The following XRCC5 variants were observed in gnomAD, a reference collection of about 807,000 sequenced individuals.
The protein encoded by XRCC5 is X-ray repair cross complementing 5.
A neutral mutation model predicts 95.7 loss-of-function variants in XRCC5; 12 were observed. That is an observed-to-expected ratio of 0.13 (90% CI 0.08 to 0.20). The LOEUF (loss-of-function observed/expected upper bound fraction) is 0.20, where lower values mean the gene tolerates loss of function less well. XRCC5 is among the 10% of genes least tolerant of loss of function. XRCC5 has a pLI of 1.00. For missense variants in XRCC5, 595 were observed against 873.9 expected, an observed-to-expected ratio of 0.68 and a Z score of 4.02; for synonymous variants, 281 against 290.3, an observed-to-expected ratio of 0.97 and a Z score of 0.33.
chr2:216,115,175 TTG>T (rs41297758), intron 2 of XRCC5, among the ~76,000 whole-genome samples: 73,464 of 151,786 alleles, frequency 0.48, 18,232 homozygotes, highest in African/African-American at 0.53. Flanking sequence ...GTCGTTTCAA[TTG>T]TTTACTTCGA....
rs1346100807 is a variant in XRCC5, at chr2:216,205,415, G to A, written c.*213G>A. The A allele has an allele frequency of 1.8e-6, 1 of 559,226 alleles. No homozygotes were observed. 34.6% of individuals were successfully genotyped at this position (559,226 alleles called of 1,614,324 possible). A position where few individuals can be genotyped will look rare whatever the true frequency, so the allele number is the denominator to read the frequency against. Reference sequence around the variant, plus strand: ...TAGACCCCATACAAGTTTATAAAGAGTCATTGTTATTTTCTGGTTGGTGTA... The same window carrying A: ...TAGACCCCATACAAGTTTATAAAGAATCATTGTTATTTTCTGGTTGGTGTA... On this transcript the variant is annotated 3_prime_UTR_variant, in exon 21 of 21. Coordinates refer to ENST00000392132, the MANE Select transcript of XRCC5 (RefSeq NM_021141.4).
intron 14 of XRCC5, among the ~76,000 whole-genome samples, chr2:216,149,004 C>CT (rs922940930): frequency 1.3e-5 from 2 of 151,934 alleles, no homozygotes; most frequent in Non-Finnish European, 2.9e-5. Context: ...TTATTGGTGA[C>CT]TTTTTTTTCT....
At chr2:216,149,405 A>G (rs1188255975) in intron 14 of XRCC5, among the ~76,000 whole-genome samples, 1 of 152,118 alleles carries the variant, frequency 6.6e-6, no homozygotes, top group Non-Finnish European at 1.5e-5. Context: ...TATGATGTGC[A>G]TTTCTTACAC....
intron 14 of XRCC5, among the ~76,000 whole-genome samples, chr2:216,149,611 C>CTG (rs3080518): frequency 0.4 from 60,080 of 151,892 alleles, 13,214 homozygotes; most frequent in Non-Finnish European, 0.51. Context: ...TATTCTCTCT[C>CTG]TGTGTGTTAA....
rs1689638635 is a variant in XRCC5, at chr2:216,192,704, A to G, written c.2010A>G (p.Gln670=). ...KALQEKVEIK[Q]LNHFWEIVVQ... is the part of the protein sequence containing the mutation. Reference sequence around the variant, plus strand: ...TTCAAGAGAAAGTGGAAATTAAACAATTAAATCATTTCTGGGAAATTGTTG... The same window carrying G: ...TTCAAGAGAAAGTGGAAATTAAACAGTTAAATCATTTCTGGGAAATTGTTG... The change falls in exon 18 of 21, where the codon CAA becomes CAG. Residue 670 remains glutamine, a synonymous_variant. Transcript: ENST00000392132. 6.3e-7 allele frequency: 1 copy of G among 1,598,892 alleles called. No individual in the cohort carries two copies. Among genetic ancestry groups the G allele is most frequent in the East Asian group, 2.3e-5 (1 of 44,206 alleles).
At chr2:216,130,603 T>G (rs575662668) in intron 8 of XRCC5, 1 of 271,716 alleles carries the variant, frequency 3.7e-6, no homozygotes, top group Non-Finnish European at 6.8e-6. Flanking sequence ...TCTTTTAGGC[T>G]GGGTAATCAT....
At chr2:216,199,069 A>G (rs1024191254) in intron 19 of XRCC5, among the ~76,000 whole-genome samples, 4 of 152,220 alleles carry the variant, frequency 2.6e-5, no homozygotes, top group African/African-American at 9.6e-5. Flanking sequence ...TGAAATATTC[A>G]TTTATATTGC....
chr2:216,145,308 G>T (rs1688605207), intron 13 of XRCC5, among the ~76,000 whole-genome samples: 2 of 152,118 alleles, frequency 1.3e-5, no homozygotes, highest in Non-Finnish European at 2.9e-5. Flanking sequence ...TAATTAATTT[G>T]TTATCAAGAG....
intron 4 of XRCC5, among the ~76,000 whole-genome samples, chr2:216,118,332 G>A (rs1696740875): frequency 6.6e-6 from 1 of 151,968 alleles, no homozygotes; most frequent in African/African-American, 2.4e-5. Context: ...GCACACCCAA[G>A]TCCAGCTAAT....
intron 12 of XRCC5, among the ~76,000 whole-genome samples, chr2:216,139,311 G>A (rs1697137347): frequency 7.9e-6 from 1 of 126,496 alleles, no homozygotes; most frequent in Non-Finnish European, 1.9e-5. Flanking sequence ...GGTTTAATTG[G>A]ACTTACAGTT....
chr2:216,123,452 G>GT (rs1200377526), intron 6 of XRCC5, among the ~76,000 whole-genome samples: 1 of 152,118 alleles, frequency 6.6e-6, no homozygotes, highest in Non-Finnish European at 1.5e-5. Context: ...TTCCTAAGTT[G>GT]TTTCTCTTTC....
chr2:216,128,327 A>G (rs558658545), intron 8 of XRCC5, among the ~76,000 whole-genome samples: 2 of 152,308 alleles, frequency 1.3e-5, no homozygotes, highest in East Asian at 3.9e-4. Flanking sequence ...CAGGCTATTC[A>G]CTACCCAGTA....
intron 15 of XRCC5, among the ~76,000 whole-genome samples, chr2:216,161,767 G>A (rs1307767215): frequency 6.6e-6 from 1 of 152,208 alleles, no homozygotes; most frequent in Non-Finnish European, 1.5e-5. Flanking sequence ...AAAGCAAGGT[G>A]AGTGAAAGCA....
chr2:216,130,164 A>G (rs1473244609), intron 8 of XRCC5, among the ~76,000 whole-genome samples: 2 of 151,870 alleles, frequency 1.3e-5, no homozygotes, highest in African/African-American at 4.8e-5. Flanking sequence ...TTCTTCCCAC[A>G]AAACATAGAA....
At chr2:216,197,432 C>T (rs41296779) in intron 19 of XRCC5, among the ~76,000 whole-genome samples, 170 of 126,530 alleles carry the variant, frequency 1.3e-3, no homozygotes, top group African/African-American at 4.9e-3. Context: ...ACAACGAAAG[C>T]GAAACTCTGT....
chr2:216,164,700 G>A (rs1334884669), intron 16 of XRCC5, among the ~76,000 whole-genome samples: 1 of 152,192 alleles, frequency 6.6e-6, no homozygotes, highest in Non-Finnish European at 1.5e-5. Context: ...GGGAGACAAA[G>A]TGGGTGAATT....
At chr2:216,149,633 G>T (rs74871447) in intron 14 of XRCC5, among the ~76,000 whole-genome samples, 1 of 152,186 alleles carries the variant, frequency 6.6e-6, no homozygotes, top group South Asian at 2.1e-4. Context: ...TCTCCAGTCC[G>T]TGATCTTGAT....
At chr2:216,179,173 C>CTT (rs1476593070) in intron 16 of XRCC5, among the ~76,000 whole-genome samples, 2 of 152,184 alleles carry the variant, frequency 1.3e-5, no homozygotes, top group Non-Finnish European at 2.9e-5. Context: ...TCAATGCTCT[C>CTT]TTGTAGCCTT....
rs1287002887 is a variant in XRCC5 at position 216,109,374 on chromosome 2, C to T, written c.-63C>T. 4 of 1,611,928 alleles carry T rather than the reference C, an allele frequency of 2.5e-6. No homozygotes were observed. In the South Asian group the frequency reaches 3.3e-5, roughly 13 times the overall value. On this transcript the variant is annotated 5_prime_UTR_variant, in exon 1 of 21. Coordinates refer to ENST00000392132, the MANE Select transcript of XRCC5 (RefSeq NM_021141.4). ...CTATCTGCCGCTTGTCCACCGGAAG[C>T]GAGTTGCGACACGGCAGGTTCCCGC...
Sources: allele counts gnomAD v4.1 joint callset (sites outside exome capture counted in the v4.1 genomes callset), GRCh38; gene constraint gnomAD v4.1.1; transcripts MANE v1.5; gene names NCBI Gene and HGNC (gene_info 2026-07-23, HGNC 2026-07-21).